The following INO80D variants were observed in gnomAD, a reference collection of about 807,000 sequenced individuals.
INO80D encodes INO80 complex subunit D.
A neutral mutation model predicts 87.6 loss-of-function variants in INO80D; 21 were observed. That is an observed-to-expected ratio of 0.24 (90% CI 0.17 to 0.35). The LOEUF (loss-of-function observed/expected upper bound fraction) is 0.35, where lower values mean the gene tolerates loss of function less well. Ranked by LOEUF, INO80D falls within the 10% of genes least tolerant of loss-of-function variation. INO80D has a pLI of 1.00. For synonymous variants in INO80D, 440 were observed against 491.0 expected (o/e 0.90, Z 1.37); for missense variants, 982 against 1,280.7 (o/e 0.77, Z 3.56).
intron 1 of INO80D, among the ~76,000 whole-genome samples, chr2:206,074,555 A>G (rs367651507): frequency 4.5e-4 from 68 of 149,650 alleles, no homozygotes; most frequent in African/African-American, 1.6e-3. Context: ...CGGAGGTTGC[A>G]GTGAGCCGAG....
At chr2:206,080,790 C>G (rs1265228156) in intron 1 of INO80D, among the ~76,000 whole-genome samples, 1 of 149,904 alleles carries the variant, frequency 6.7e-6, no homozygotes, top group Non-Finnish European at 1.5e-5. Context: ...GTAGTCCCAG[C>G]TACTTGGGAG....
intron 5 of INO80D, among the ~76,000 whole-genome samples, chr2:206,044,606 T>TA (rs1689146813): frequency 6.7e-6 from 1 of 149,932 alleles, no homozygotes; most frequent in Non-Finnish European, 1.5e-5. Flanking sequence ...GCTACAGAGA[T>TA]AAAGAAAAAT....
Position 206,056,226 on chromosome 2 carries a change from C to A in INO80D, c.936G>T (p.Gln312His). 1 of 1,601,874 alleles carries A rather than the reference C, an allele frequency of 6.2e-7. No homozygotes were observed. Among genetic ancestry groups the A allele is most frequent in the South Asian group, 1.1e-5 (1 of 88,988 alleles). Residue 312 changes from glutamine (Q) to histidine (H), a missense_variant, in exon 4 of 11, where the codon CAG (glutamine) becomes CAT (histidine). Transcript: ENST00000403263. Reference protein sequence around the residue: ...RLVKLCTQKHQLDTDLFPHLG... With the variant: ...RLVKLCTQKHHLDTDLFPHLG... ...AATGGGGAAACAGATCAGTGTCCAA[C>A]TGATGTTTCTGGGTGCACAGTTTCA...
At chr2:206,028,456 G>T in intron 5 of INO80D, 121 bp from the exon 6 acceptor site, 1 of 666,932 alleles carries the variant, frequency 1.5e-6, no homozygotes, top group South Asian at 2.1e-5. Context: ...TGGCATGTGA[G>T]CACATACTTC....
intron 5 of INO80D, among the ~76,000 whole-genome samples, chr2:206,037,885 T>C (rs897968169): frequency 6.6e-6 from 1 of 152,180 alleles, no homozygotes; most frequent in African/African-American, 2.4e-5. Context: ...CATAATGGAA[T>C]GCTATTTAGC....
chr2:206,069,369 A>G (rs1575880254), intron 1 of INO80D, among the ~76,000 whole-genome samples: 1 of 152,242 alleles, frequency 6.6e-6, no homozygotes, highest in Middle Eastern at 3.4e-3. Flanking sequence ...TATAATACAT[A>G]TACAAAATAT....
In INO80D at chr2:206,004,547, T is replaced by C. The variant is rs1229638144; in HGVS notation, c.2905A>G (p.Lys969Glu). The C allele has an allele frequency of 6.2e-7, 1 of 1,610,792 alleles. No homozygotes were observed. The highest frequency in any genetic ancestry group is 1.7e-5 in the Admixed American group (1 of 59,420). The change falls in exon 11 of 11, where the codon AAG becomes GAG. Residue 969 changes from lysine (K) to glutamate (E), a missense_variant. Coordinates refer to ENST00000403263, the MANE Select transcript of INO80D (RefSeq NM_017759.5). This position sits in a 1 kb window ranked among gnomAD's most constrained non-coding sequence, Gnocchi z 4.9. ...SAELMASTSP[K>E]QQLPQFSAAF... The stretch of plus-strand genomic sequence containing the variant: ...GCGCTGAACTGAGGGAGTTGCTGCT[T>C]GGGAGAGGTGGAGGCCATTAGTTCA...
chr2:206,032,267 T>C (rs371123066), intron 5 of INO80D, among the ~76,000 whole-genome samples: 1 of 152,208 alleles, frequency 6.6e-6, no homozygotes, highest in Non-Finnish European at 1.5e-5. Context: ...CTTTTGCAGC[T>C]GGGAGGCAGG....
Position 206,063,062 on chromosome 2 carries a change from A to G in INO80D, c.-29-17T>C. 1 of 1,338,022 alleles carries G rather than the reference A, an allele frequency of 7.5e-7. No individual in the cohort carries two copies. The highest frequency in any genetic ancestry group is 1.1e-6 in the Non-Finnish European group (1 of 946,344). The allele number at this position is 1,338,022 out of a possible 1,614,324, so 82.9% of individuals were successfully genotyped here. On this transcript the variant is annotated splice_polypyrimidine_tract_variant and intron_variant, in intron 2 of 10. Coordinates refer to ENST00000403263, the MANE Select transcript of INO80D (RefSeq NM_017759.5). ...GAACATCAGCTAAAAGGCCACCACA[A>G]AAAAAGAAACCCAAATGATAAATCA... is the stretch of plus-strand genomic sequence containing the variant.
intron 5 of INO80D, among the ~76,000 whole-genome samples, chr2:206,041,944 T>TGGGA (rs1324834931): frequency 6.6e-6 from 1 of 151,992 alleles, no homozygotes; most frequent in Non-Finnish European, 1.5e-5. Context: ...GCCCAGGAGT[T>TGGGA]TGGGACCCCA....
chr2:206,036,808 C>T (rs1282331807), intron 5 of INO80D, among the ~76,000 whole-genome samples: 1 of 152,198 alleles, frequency 6.6e-6, no homozygotes, highest in Non-Finnish European at 1.5e-5. Flanking sequence ...GATGCTGAGG[C>T]ACGTTACATG....
At chr2:206,046,125 C>T (rs1689187089) in intron 5 of INO80D, among the ~76,000 whole-genome samples, 1 of 152,146 alleles carries the variant, frequency 6.6e-6, no homozygotes, top group South Asian at 2.1e-4. Flanking sequence ...TATTTTACCA[C>T]CAATTTTTTA....
rs1239776595 is a variant in INO80D, at chr2:205,997,182, T to C, written c.*7186A>G. ...CTTTTGACTATTTCAGACCACCAGATACTCCAGTAATAAATGTATAGCAAA... is the reference window on the plus strand; with the variant it reads ...CTTTTGACTATTTCAGACCACCAGACACTCCAGTAATAAATGTATAGCAAA... On this transcript the variant is annotated 3_prime_UTR_variant, in exon 11 of 11. Transcript: ENST00000403263. 1 of 152,106 alleles carries C rather than the reference T, an allele frequency of 6.6e-6. No individual in the cohort carries two copies. The highest frequency in any genetic ancestry group is 1.5e-5 in the Non-Finnish European group (1 of 67,978). 9.4% of individuals were successfully genotyped at this position (152,106 alleles called of 1,614,324 possible). A position where few individuals can be genotyped will look rare whatever the true frequency, so the allele number is the denominator to read the frequency against.
chr2:206,068,521 A>G (rs991594960), intron 1 of INO80D, among the ~76,000 whole-genome samples: 14 of 152,166 alleles, frequency 9.2e-5, no homozygotes, highest in African/African-American at 2.9e-4. Context: ...TCATTTACAT[A>G]CTGTCCATGC....
intron 5 of INO80D, among the ~76,000 whole-genome samples, chr2:206,037,040 C>T (rs1336394200): frequency 1.3e-5 from 2 of 152,130 alleles, no homozygotes; most frequent in African/African-American, 2.4e-5. Flanking sequence ...AGGCCAGTTT[C>T]CCTTCATTTA....
chr2:206,039,851 T>C (rs141157707), intron 5 of INO80D, among the ~76,000 whole-genome samples: 493 of 149,618 alleles, frequency 3.3e-3, no homozygotes, highest in Middle Eastern at 0.017. Flanking sequence ...GAAAAAATAT[T>C]ATAATGGAAT....
intron 9 of INO80D, chr2:206,007,821 C>CAAA (rs200081611): frequency 2.7e-5 from 2 of 75,232 alleles, no homozygotes; most frequent in Non-Finnish European, 6.0e-5. Context: ...GACTCTGTCT[C>CAAA]AAAAAAAAAA....
chr2:206,061,357 A>T (rs1162801338), intron 3 of INO80D, among the ~76,000 whole-genome samples: 2 of 152,212 alleles, frequency 1.3e-5, no homozygotes, highest in Non-Finnish European at 2.9e-5. Context: ...CTGAAAAAAA[A>T]TCCAACACTG....
chr2:206,032,669 C>T (rs986445622), intron 5 of INO80D, among the ~76,000 whole-genome samples: 2 of 152,134 alleles, frequency 1.3e-5, no homozygotes, highest in Admixed American at 1.3e-4. Context: ...TATCTTCAGC[C>T]TCCTTAAACA....
Sources: allele counts gnomAD v4.1 joint callset (sites outside exome capture counted in the v4.1 genomes callset), GRCh38; gene constraint gnomAD v4.1.1; non-coding constraint Gnocchi (gnomAD v3.1); transcripts MANE v1.5; gene names NCBI Gene and HGNC (gene_info 2026-07-23, HGNC 2026-07-21).